Variants in UBA5 observed in about 807,000 individuals in gnomAD.
The protein encoded by UBA5 is ubiquitin like modifier activating enzyme 5.
In UBA5, 28 loss-of-function variants were observed where a neutral mutation model predicts 52.9. The observed-to-expected ratio is 0.53, with a 90% CI of 0.39 to 0.73. The LOEUF (loss-of-function observed/expected upper bound fraction) is 0.73. Among genes scored for constraint, UBA5 ranks in the 30% least tolerant of loss-of-function variants. The pLI, the probability that UBA5 is intolerant of heterozygous loss-of-function variation, is 0.00. For synonymous variants in UBA5, 135 were observed against 162.1 expected, an observed-to-expected ratio of 0.83 and a Z score of 1.27; for missense variants, 388 against 492.7, an observed-to-expected ratio of 0.79 and a Z score of 2.01.
At chr3:132,671,426 A>T (rs527488955) in intron 6 of UBA5, among the ~76,000 whole-genome samples, 15 of 152,252 alleles carry the variant, frequency 9.9e-5, no homozygotes, top group African/African-American at 3.4e-4. Flanking sequence ...TCAAAAAAAA[A>T]TTATTTTCCT....
intron 1 of UBA5, among the ~76,000 whole-genome samples, chr3:132,655,270 C>T (rs1355889864): frequency 6.6e-6 from 1 of 152,216 alleles, no homozygotes; most frequent in Non-Finnish European, 1.5e-5. Flanking sequence ...TTGGCCCCTT[C>T]AGTCAACTCT....
chr3:132,674,698 G>C (rs1938756460), intron 8 of UBA5, among the ~76,000 whole-genome samples: 1 of 152,118 alleles, frequency 6.6e-6, no homozygotes, highest in African/African-American at 2.4e-5. Context: ...ATTTGACTGG[G>C]AAGAGGGCAG....
At chr3:132,675,051 A>T (rs1200356653) in intron 8 of UBA5, among the ~76,000 whole-genome samples, 197 bp from the exon 9 acceptor site, 1 of 152,166 alleles carries the variant, frequency 6.6e-6, no homozygotes, top group East Asian at 1.9e-4. Flanking sequence ...TCCTTCATTC[A>T]ATAAACACTG....
At chr3:132,660,015 A>G (rs958308247), upstream of UBA5, 1 of 423,778 alleles carries the variant, frequency 2.4e-6, no homozygotes, top group Non-Finnish European at 4.1e-6. The surrounding 1 kb of genome is among the most constrained non-coding windows in gnomAD (Gnocchi z 4.1). Flanking sequence ...GGAGGCCTCA[A>G]TTTTAAAGAA....
chr3:132,656,488 T>C (rs1353371741), upstream of UBA5, among the ~76,000 whole-genome samples: 1 of 142,296 alleles, frequency 7.0e-6, no homozygotes, highest in Non-Finnish European at 1.5e-5. Context: ...ATGCTTGATA[T>C]TGTCAGATTT....
At position 132,677,681 on chromosome 3, in the gene UBA5, A is replaced by G. The variant is rs986803095; in HGVS notation, c.*1155A>G. On this transcript the variant is annotated 3_prime_UTR_variant, in exon 12 of 12. Transcript: ENST00000356232. Reference sequence around the variant, plus strand: ...TTTCCTATTTTGATTTTTACTTTGAAGATAGGAATATCTAAATTATATCTC... The same window carrying G: ...TTTCCTATTTTGATTTTTACTTTGAGGATAGGAATATCTAAATTATATCTC... The G allele has an allele frequency of 1.3e-5, 2 of 152,188 alleles. No homozygotes were observed. The highest frequency in any genetic ancestry group is 4.8e-5 in the African/African-American group (2 of 41,458). The allele number at this position is 152,188 out of a possible 1,614,324, so 9.4% of individuals were successfully genotyped here. A position where few individuals can be genotyped will look rare whatever the true frequency, so the allele number is the denominator to read the frequency against.
intron 4 of UBA5, among the ~76,000 whole-genome samples, chr3:132,669,513 C>T (rs1417532744): frequency 1.3e-5 from 2 of 152,182 alleles, no homozygotes; most frequent in Admixed American, 6.5e-5. Context: ...AAGCCATCTG[C>T]CCACCTAGCC....
chr3:132,658,849 AT>A (rs1168208863), upstream of UBA5, among the ~76,000 whole-genome samples: 1 of 152,200 alleles, frequency 6.6e-6, no homozygotes, highest in Non-Finnish European at 1.5e-5. Flanking sequence ...CATTTCATTA[AT>A]AAGACTAATC....
intron 5 of UBA5, chr3:132,670,744 A>G: frequency 3.1e-6 from 1 of 326,682 alleles, no homozygotes; most frequent in Non-Finnish European, 5.5e-6. Flanking sequence ...AGTTCTTGTA[A>G]AATAAGTAAT....
At chr3:132,671,197 A>G in intron 6 of UBA5, 148 bp downstream of exon 6, 1 of 663,722 alleles carries the variant, frequency 1.5e-6, no homozygotes, top group Non-Finnish European at 2.5e-6. Context: ...CCTACTCTTA[A>G]AATCTATTCT....
At chr3:132,665,145 G>A (rs886211161) in intron 1 of UBA5, among the ~76,000 whole-genome samples, 2 of 152,088 alleles carry the variant, frequency 1.3e-5, no homozygotes, top group Admixed American at 6.6e-5. Context: ...TCTGATTCAC[G>A]TAATTGACTA....
Position 132,670,356 on chromosome 3 carries a change from T to A in UBA5, c.494+72T>A, listed in dbSNP as rs112993068. On this transcript the variant is annotated intron_variant, in intron 5 of 11. Transcript: ENST00000356232. ...ATTAGAAAATTATTAGAAAAATCTA[T>A]GGATTAATCCAATGAATGGAAGATT... 1.2e-3 allele frequency: 811 copies of A among 667,422 alleles called. 7 individuals carry two copies. The African/African-American group carries it at 0.013, about 11-fold the overall frequency. The allele number at this position is 667,422 out of a possible 1,614,324, so 41.3% of individuals were successfully genotyped here.
At chr3:132,671,119 AATCCC>A in intron 6 of UBA5, 70 bp downstream of exon 6, 2 of 1,323,934 alleles carry the variant, frequency 1.5e-6, no homozygotes, top group Non-Finnish European at 2.2e-6. Flanking sequence ...ATCAGTATAT[AATCCC>A]CATCCTAAAA....
upstream of UBA5, among the ~76,000 whole-genome samples, chr3:132,656,737 C>A (rs189351226): frequency 2.0e-5 from 3 of 152,272 alleles, no homozygotes; most frequent in Admixed American, 2.0e-4. Context: ...GGTGATCCAC[C>A]TGCTTCAGCC....
At chr3:132,659,463 C>A, upstream of UBA5, 1 of 1,230,108 alleles carries the variant, frequency 8.1e-7, no homozygotes, top group Non-Finnish European at 1.1e-6. Context: ...GCAATAGCAG[C>A]TCATGCCTGT....
At chr3:132,655,450 C>G (rs139382134), upstream of UBA5, among the ~76,000 whole-genome samples, 84 of 152,300 alleles carry the variant, frequency 5.5e-4, no homozygotes, top group Middle Eastern at 3.4e-3. Flanking sequence ...CCCTTGCTTA[C>G]ACTACTTCAG....
In UBA5 at chr3:132,660,431, C is replaced by T. The variant is rs924948799; in HGVS notation, c.-107C>T. On this transcript the variant is annotated 5_prime_UTR_variant, in exon 1 of 12. Coordinates refer to ENST00000356232, the MANE Select transcript of UBA5 (RefSeq NM_024818.6). The surrounding 1 kb of genome is among the most constrained non-coding windows in gnomAD (Gnocchi z 4.1). ...CCAGGGCTCTGGGCTAGGAAGGCAG[C>T]GGCGAGGTGCCTCCCCACGTACCCC... 7 of 1,404,710 alleles carry T rather than the reference C, an allele frequency of 5.0e-6. No individual in the cohort carries two copies. The highest frequency in any genetic ancestry group is 1.4e-5 in the African/African-American group (1 of 70,438). The allele number at this position is 1,404,710 out of a possible 1,614,324, so 87.0% of individuals were successfully genotyped here.
At chr3:132,664,682 A>C (rs1306051749) in intron 1 of UBA5, among the ~76,000 whole-genome samples, 1 of 152,120 alleles carries the variant, frequency 6.6e-6, no homozygotes, top group Admixed American at 6.5e-5. Context: ...TAGACACTTT[A>C]GAACTAGTGA....
upstream of UBA5, chr3:132,660,144 G>T: frequency 2.9e-6 from 1 of 345,976 alleles, no homozygotes; most frequent in Non-Finnish European, 5.3e-6. The surrounding 1 kb of genome is among the most constrained non-coding windows in gnomAD (Gnocchi z 4.1). Flanking sequence ...AGGGCCGTCA[G>T]ACTGTCGAGC....
Sources: gnomAD v4.1 joint callset for allele counts (sites outside exome capture counted in the v4.1 genomes callset) on GRCh38, gnomAD v4.1.1 for gene constraint, Gnocchi (gnomAD v3.1) non-coding constraint, MANE v1.5 for transcripts, NCBI Gene and HGNC (gene_info 2026-07-23, HGNC 2026-07-21) for gene names.